Variants in XIRP2 observed in about 807,000 individuals in gnomAD.
XIRP2 encodes the protein xin actin binding repeat containing 2.
XIRP2 carries 236 observed loss-of-function variants against 277.0 expected under a neutral mutation model. The ratio of observed to expected loss-of-function variants is 0.85; its 90% CI spans 0.77 to 0.95. XIRP2 has a LOEUF of 0.95. XIRP2 is among the 40% of genes least tolerant of loss of function. The probability of loss-of-function intolerance (pLI) is 0.00; values close to 1 mark genes in which losing one functional copy is unlikely to be tolerated. For synonymous variants in XIRP2, 1,490 were observed against 1,416.5 expected, an observed-to-expected ratio of 1.05 and a Z score of -1.17; for missense variants, 4,640 against 4,157.5, an observed-to-expected ratio of 1.12 and a Z score of -3.19.
In XIRP2 at chr2:166,994,477, TAA is replaced by T. The variant is rs553849285; in HGVS notation, c.408+90599_408+90600del. Among the ~76,000 whole-genome samples, 97 of 97,680 alleles carry T rather than the reference TAA, an allele frequency of 9.9e-4. 1 individual carries two copies. In the South Asian group the frequency reaches 0.011, roughly 11 times the overall value. The allele number at this position is 97,680 out of a possible 152,430, so 64.1% of individuals were successfully genotyped here. A position where few individuals can be genotyped will look rare whatever the true frequency, so the allele number is the denominator to read the frequency against. On this transcript the variant is annotated intron_variant, in intron 2 of 10. Coordinates refer to ENST00000409195, the MANE Select transcript of XIRP2 (RefSeq NM_152381.6). Reference sequence around the variant, plus strand: ...ATGTACCCTAAAACTTAGAGTATAATAAAAAAAAAAAAATTAAAAAAAAAAAA... The same window carrying T: ...ATGTACCCTAAAACTTAGAGTATAATAAAAAAAAAAATTAAAAAAAAAAAA...
At chr2:167,089,830 T>C (rs991302045) in intron 2 of XIRP2, among the ~76,000 whole-genome samples, 3 of 152,106 alleles carry the variant, frequency 2.0e-5, no homozygotes, top group African/African-American at 4.8e-5. Context: ...ATGTATTATC[T>C]AAAACGTTTT....
intron 3 of XIRP2, among the ~76,000 whole-genome samples, chr2:167,184,326 C>T (rs1054192300): frequency 4.6e-5 from 7 of 152,148 alleles, no homozygotes; most frequent in African/African-American, 1.7e-4. Flanking sequence ...CTCAGAGATA[C>T]TTGTTTGTTA....
At chr2:166,893,255 G>A (rs1402717621) in intron 1 of XIRP2, among the ~76,000 whole-genome samples, 1 of 151,914 alleles carries the variant, frequency 6.6e-6, no homozygotes, top group African/African-American at 2.4e-5. Flanking sequence ...TTTTCCTTCT[G>A]TGGAAGGAAG....
At chr2:167,071,614 A>G (rs185402921) in intron 2 of XIRP2, among the ~76,000 whole-genome samples, 1 of 152,330 alleles carries the variant, frequency 6.6e-6, no homozygotes, top group East Asian at 1.9e-4. Flanking sequence ...ACACAGATTT[A>G]ACTCCTTGGC....
At chr2:166,938,896 C>G (rs189139926) in intron 2 of XIRP2, among the ~76,000 whole-genome samples, 114 of 152,212 alleles carry the variant, frequency 7.5e-4, no homozygotes, top group Non-Finnish European at 1.2e-3. Context: ...TCTGTTTTAT[C>G]CAAGACTAGG....
At chr2:167,147,190 T>C (rs1177943488) in intron 3 of XIRP2, among the ~76,000 whole-genome samples, 3 of 152,052 alleles carry the variant, frequency 2.0e-5, no homozygotes, top group African/African-American at 4.8e-5. Context: ...GCCAGTGAAA[T>C]TGCTGAGTAT....
chr2:167,245,993 T>C lies in XIRP2; in HGVS notation c.4601T>C (p.Leu1534Pro). Residue 1534 changes from leucine (L) to proline (P), a missense_variant, in exon 9 of 11, where the codon CTT (leucine) becomes CCT (proline). Transcript: ENST00000409195. ...ACATGGCTCTTTGAAACAACACCAC[T>C]TCATGAATTTAATGAAACTAGAGTA... ...TTTWLFETTP[L>P]HEFNETRVEK... The C allele has an allele frequency of 6.2e-7, 1 of 1,613,178 alleles. No homozygotes were observed.
At chr2:166,979,231 G>C (rs1415585051) in intron 2 of XIRP2, among the ~76,000 whole-genome samples, 1 of 152,086 alleles carries the variant, frequency 6.6e-6, no homozygotes, top group African/African-American at 2.4e-5. Context: ...ACCTGAATGA[G>C]AGAGAGAGCA....
chr2:167,103,083 C>A (rs1690528224), intron 2 of XIRP2, among the ~76,000 whole-genome samples: 1 of 151,882 alleles, frequency 6.6e-6, no homozygotes, highest in Non-Finnish European at 1.5e-5. Flanking sequence ...AGACTACAGT[C>A]AGTTCAGATC....
chr2:167,259,618 C>G lies in XIRP2; in HGVS notation c.*1801C>G, dbSNP rs889184124. On this transcript the variant is annotated 3_prime_UTR_variant, in exon 11 of 11. Coordinates refer to ENST00000409195, the MANE Select transcript of XIRP2 (RefSeq NM_152381.6). ...GGATATGTTTTCCATTCAAATGGCA[C>G]TTTAGCATATTGTTCTGTTTTCCTG... 5 of 364,370 alleles carry G rather than the reference C, an allele frequency of 1.4e-5. No individual in the cohort carries two copies. The Admixed American group carries it at 2.2e-4, about 16-fold the overall frequency. The allele number at this position is 364,370 out of a possible 1,614,324, so 22.6% of individuals were successfully genotyped here.
chr2:167,169,356 A>T (rs73021986), intron 3 of XIRP2, among the ~76,000 whole-genome samples: 1 of 152,130 alleles, frequency 6.6e-6, no homozygotes, highest in Non-Finnish European at 1.5e-5. Flanking sequence ...TGGCCCTGGG[A>T]TTTTTAAGTC....
intron 2 of XIRP2, among the ~76,000 whole-genome samples, chr2:167,032,899 A>T (rs1688406153): frequency 6.6e-6 from 1 of 152,126 alleles, no homozygotes; most frequent in Non-Finnish European, 1.5e-5. Context: ...CTCCTCAAGG[A>T]TCTAGAACCA....
At chr2:167,241,946 G>T (rs1417959402) in intron 8 of XIRP2, 36 bp downstream of exon 8, 1 of 1,566,808 alleles carries the variant, frequency 6.4e-7, no homozygotes, top group East Asian at 2.3e-5. Flanking sequence ...CATACTAAGT[G>T]TAAGACCAAG....
In XIRP2 at chr2:167,118,481, C is replaced by CAATAA. The variant is rs1353725543; in HGVS notation, c.409-17428_409-17427insAATAA. Among the ~76,000 whole-genome samples, 214 of 40,582 alleles carry CAATAA rather than the reference C, an allele frequency of 5.3e-3. 2 individuals are homozygous for CAATAA. The highest frequency in any genetic ancestry group is 8.6e-3 in the Non-Finnish European group (177 of 20,692). 26.6% of individuals were successfully genotyped at this position (40,582 alleles called of 152,430 possible). A position where few individuals can be genotyped will look rare whatever the true frequency, so the allele number is the denominator to read the frequency against. ...TGGGCGACACAGCAAGACTCTGTCT[C>CAATAA]GATAAAATAAAATAAAATAAAATAA... On this transcript the variant is annotated intron_variant, in intron 2 of 10. Coordinates refer to ENST00000409195, the MANE Select transcript of XIRP2 (RefSeq NM_152381.6).
Position 167,257,918 on chromosome 2 carries a change from T to G in XIRP2, c.*101T>G, listed in dbSNP as rs1695706990. The G allele has an allele frequency of 6.2e-7, 1 of 1,611,628 alleles. No individual in the cohort carries two copies. The highest frequency in any genetic ancestry group is 8.5e-7 in the Non-Finnish European group (1 of 1,179,034). On this transcript the variant is annotated 3_prime_UTR_variant, in exon 11 of 11. Transcript: ENST00000409195. Reference sequence around the variant, plus strand: ...CTGTAAACCTCACTTTAAACAACTTTTCAAATCCAAAGGAAATTATGATGA... The same window carrying G: ...CTGTAAACCTCACTTTAAACAACTTGTCAAATCCAAAGGAAATTATGATGA...
intron 2 of XIRP2, among the ~76,000 whole-genome samples, chr2:167,122,615 TC>T (rs1558987781): frequency 6.6e-6 from 1 of 152,164 alleles, no homozygotes; most frequent in Non-Finnish European, 1.5e-5. Flanking sequence ...AGCTGATTCT[TC>T]CTTCTGAAAG....
At chr2:167,050,505 C>T (rs1455561019) in intron 2 of XIRP2, among the ~76,000 whole-genome samples, 1 of 151,938 alleles carries the variant, frequency 6.6e-6, no homozygotes, top group Non-Finnish European at 1.5e-5. Flanking sequence ...CCTGGGAAAT[C>T]AGGGCTATTT....
chr2:167,047,045 C>A (rs2105528656), intron 2 of XIRP2, among the ~76,000 whole-genome samples: 1 of 151,646 alleles, frequency 6.6e-6, no homozygotes, highest in South Asian at 2.1e-4. Context: ...AGATTACAAA[C>A]AAAATAAGGA....
chr2:167,229,857 T>C (rs1055836881), intron 5 of XIRP2, among the ~76,000 whole-genome samples: 6 of 152,158 alleles, frequency 3.9e-5, no homozygotes, highest in Non-Finnish European at 4.4e-5. Flanking sequence ...TCTTCACAGA[T>C]CTTAACAACA....
Sources: allele counts gnomAD v4.1 joint callset (sites outside exome capture counted in the v4.1 genomes callset), GRCh38; gene constraint gnomAD v4.1.1; transcripts MANE v1.5; gene names NCBI Gene and HGNC (gene_info 2026-07-23, HGNC 2026-07-21).